The following DNMT1 variants were observed in gnomAD, a reference collection of about 807,000 sequenced individuals.
DNMT1 encodes the protein DNA (cytosine-5)-methyltransferase 1.
In DNMT1, 24 loss-of-function variants were observed where a neutral mutation model predicts 205.3. That is an observed-to-expected ratio of 0.12 (90% CI 0.08 to 0.16). DNMT1 has a LOEUF of 0.16. Ranked by LOEUF, DNMT1 falls within the 10% of genes least tolerant of loss-of-function variation. The probability of loss-of-function intolerance (pLI) is 1.00; values close to 1 mark genes in which losing one functional copy is unlikely to be tolerated. For missense variants in DNMT1, 1,293 were observed against 2,177.7 expected, an observed-to-expected ratio of 0.59 and a Z score of 8.09; for synonymous variants, 817 against 839.8, an observed-to-expected ratio of 0.97 and a Z score of 0.47.
rs1459602995 is a variant in DNMT1 at position 10,168,351 on chromosome 19, A to C, written c.782T>G (p.Leu261Arg). The change falls in exon 10 of 41, where the codon CTC becomes CGC. Residue 261 changes from leucine to arginine, a missense_variant. By Grantham distance (102) the Leu-to-Arg change is moderately radical. Transcript: ENST00000359526. ...TTACGGTTCTTTGGTTTGACTTCGGAGTCTCTTTTCTTCCTAAGTTGCAGG... is the reference window on the plus strand; with the variant it reads ...TTACGGTTCTTTGGTTTGACTTCGGCGTCTCTTTTCTTCCTAAGTTGCAGG... ...EERDEKEEKR[L>R]RSQTKEPTPK... is the part of the protein sequence containing the mutation. The C allele has an allele frequency of 1.2e-6, 2 of 1,614,126 alleles. No individual in the cohort carries two copies. Among genetic ancestry groups the C allele is most frequent in the South Asian group, 2.2e-5 (2 of 91,080 alleles).
chr19:10,151,258 C>T lies in DNMT1; in HGVS notation c.2265+140G>A, dbSNP rs1349306216. On this transcript the variant is annotated intron_variant, in intron 24 of 40. Coordinates refer to ENST00000359526, the MANE Select transcript of DNMT1 (RefSeq NM_001130823.3). This position sits in a 1 kb window ranked among gnomAD's most constrained non-coding sequence, Gnocchi z 5.0. Reference sequence around the variant, plus strand: ...TGGAACATGGTCTCTTGGCCAGTCCCGCTCTTCTCAGGGGCAAACAGACAG... The same window carrying T: ...TGGAACATGGTCTCTTGGCCAGTCCTGCTCTTCTCAGGGGCAAACAGACAG... The T allele has an allele frequency of 2.2e-5, 28 of 1,296,366 alleles. No homozygotes were observed. The highest frequency in any genetic ancestry group is 3.4e-5 in the Admixed American group (2 of 58,672). The allele number at this position is 1,296,366 out of a possible 1,614,324, so 80.3% of individuals were successfully genotyped here. A position where few individuals can be genotyped will look rare whatever the true frequency, so the allele number is the denominator to read the frequency against.
In DNMT1 at chr19:10,135,879, G is replaced by C. The variant is rs554034982; in HGVS notation, c.4657-27C>G. 6.3e-4 allele frequency: 976 copies of C among 1,540,362 alleles called. 8 individuals carry two copies. The South Asian group carries it at 0.011, about 17-fold the overall frequency. On this transcript the variant is annotated intron_variant, in intron 38 of 40. Transcript: ENST00000359526. Reference sequence around the variant, plus strand: ...TGGGGGAAAGAGGCGCGGTGGGCGAGGGCAGTAGCACCCAGGCCGGGTCAC... The same window carrying C: ...TGGGGGAAAGAGGCGCGGTGGGCGACGGCAGTAGCACCCAGGCCGGGTCAC...
intron 1 of DNMT1, among the ~76,000 whole-genome samples, chr19:10,186,446 G>T (rs2039183870): frequency 1.3e-5 from 2 of 152,058 alleles, no homozygotes; most frequent in Admixed American, 6.6e-5. Flanking sequence ...ACGGAGCAGA[G>T]GACTCAGAAT....
In DNMT1 at chr19:10,146,671, C is replaced by T. The variant is rs2038211002; in HGVS notation, c.2721-147G>A. Reference sequence around the variant, plus strand: ...AGAAGGAAGAGGTGGCTTTCTTGTGCTTTGTGTTGACATTTTGAAGGCACT... The same window carrying T: ...AGAAGGAAGAGGTGGCTTTCTTGTGTTTTGTGTTGACATTTTGAAGGCACT... On this transcript the variant is annotated intron_variant, in intron 27 of 40. Transcript: ENST00000359526. The surrounding 1 kb of genome is among the most constrained non-coding windows in gnomAD (Gnocchi z 4.4). 9.5e-7 allele frequency: 1 copy of T among 1,048,930 alleles called. No individual in the cohort carries two copies. The highest frequency in any genetic ancestry group is 1.4e-6 in the Non-Finnish European group (1 of 728,356). The allele number at this position is 1,048,930 out of a possible 1,614,324, so 65.0% of individuals were successfully genotyped here.
rs73508838 is a variant in DNMT1, at chr19:10,138,754, C to T, written c.3949-149G>A. ...AGAAATCCCCAGTTACCTCAGCAGG[C>T]GTGCTCCTGGTCAGAGGAGTTTGGA... On this transcript the variant is annotated intron_variant, in intron 34 of 40. Coordinates refer to ENST00000359526, the MANE Select transcript of DNMT1 (RefSeq NM_001130823.3). This position sits in a 1 kb window ranked among gnomAD's most constrained non-coding sequence, Gnocchi z 4.1. 1,941 of 1,074,982 alleles carry T rather than the reference C, an allele frequency of 1.8e-3. 25 individuals are homozygous for T. Among genetic ancestry groups the T allele is most frequent in the African/African-American group, 0.013 (821 of 63,756 alleles). 66.6% of individuals were successfully genotyped at this position (1,074,982 alleles called of 1,614,324 possible). A position where few individuals can be genotyped will look rare whatever the true frequency, so the allele number is the denominator to read the frequency against.
chr19:10,152,178 A>G (rs2038359107), intron 22 of DNMT1, among the ~76,000 whole-genome samples: 1 of 149,060 alleles, frequency 6.7e-6, no homozygotes, highest in East Asian at 2.0e-4. Flanking sequence ...AAAAAAAAAA[A>G]AAAAAAAAAA....
rs184077661 is a variant in DNMT1, at chr19:10,140,553, A to G, written c.3524-225T>C. On this transcript the variant is annotated intron_variant, in intron 32 of 40. Transcript: ENST00000359526. The surrounding 1 kb of genome is among the most constrained non-coding windows in gnomAD (Gnocchi z 8.4). ...CCCAGCTAATTTTTGTATTCTTATT[A>G]GAGACGGGGTTTCACCATGTTGGCC... 4.6e-4 allele frequency: 419 copies of G among 907,554 alleles called. 4 individuals carry two copies. In the East Asian group the frequency reaches 8.4e-3, roughly 18 times the overall value. The allele number at this position is 907,554 out of a possible 1,614,324, so 56.2% of individuals were successfully genotyped here.
Position 10,137,423 on chromosome 19 carries a change from C to T in DNMT1, c.4294-143G>A, listed in dbSNP as rs1568220223. 1.0e-5 allele frequency: 11 copies of T among 1,096,992 alleles called. No homozygotes were observed. Among genetic ancestry groups the T allele is most frequent in the East Asian group, 2.6e-5 (1 of 38,636 alleles). 68.0% of individuals were successfully genotyped at this position (1,096,992 alleles called of 1,614,324 possible). ...TCGGGAAAGAGACAGTCAGGGATAT[C>T]GCACTTGGCTCGAGGCCACGGCAGG... On this transcript the variant is annotated intron_variant, in intron 36 of 40. Transcript: ENST00000359526. The surrounding 1 kb of genome is among the most constrained non-coding windows in gnomAD (Gnocchi z 6.4).
chr19:10,154,290 T>C lies in DNMT1; in HGVS notation c.2019+3A>G. On this transcript the variant is annotated splice_donor_region_variant and intron_variant, in intron 22 of 40. Transcript: ENST00000359526. This position sits in a 1 kb window ranked among gnomAD's most constrained non-coding sequence, Gnocchi z 6.3. ...GAGCGGGAGCACCCACAGGTGAGGT[T>C]ACCTCACAGACGCCACATCGCCGGC... The C allele has an allele frequency of 6.2e-7, 1 of 1,613,858 alleles. No homozygotes were observed. Among genetic ancestry groups the C allele is most frequent in the Non-Finnish European group, 8.5e-7 (1 of 1,179,746 alleles).
At position 10,159,774 on chromosome 19, in the gene DNMT1, G is replaced by GAC; in HGVS notation, c.1171-9_1171-8dup. 1.2e-6 allele frequency: 2 copies of GAC among 1,614,220 alleles called. No homozygotes were observed. The highest frequency in any genetic ancestry group is 1.7e-6 in the Non-Finnish European group (2 of 1,180,042). Reference sequence around the variant, plus strand: ...GCATCTGTGGCTCATCCACCTGAAGGACACGGGGCTGGTGAGCAGTGGGAC... The same window carrying GAC: ...GCATCTGTGGCTCATCCACCTGAAGGACACACGGGGCTGGTGAGCAGTGGGAC... On this transcript the variant is annotated splice_region_variant and splice_polypyrimidine_tract_variant and intron_variant, in intron 16 of 40. Transcript: ENST00000359526. This position sits in a 1 kb window ranked among gnomAD's most constrained non-coding sequence, Gnocchi z 5.0.
At position 10,140,033 on chromosome 19, in the gene DNMT1, T is replaced by G; in HGVS notation, c.3806+13A>C. 8.7e-6 allele frequency: 14 copies of G among 1,606,230 alleles called. No individual in the cohort carries two copies. Among genetic ancestry groups the G allele is most frequent in the Non-Finnish European group, 1.2e-5 (14 of 1,179,990 alleles). On this transcript the variant is annotated intron_variant, in intron 33 of 40. Coordinates refer to ENST00000359526, the MANE Select transcript of DNMT1 (RefSeq NM_001130823.3). This position sits in a 1 kb window ranked among gnomAD's most constrained non-coding sequence, Gnocchi z 8.4. ...GGCCGTCTGGCAACACTGGGGGGCT[T>G]CTACCCGTTTACCTGAGGAAGGAAA...
chr19:10,181,953 C>T, intron 2 of DNMT1, 88 bp downstream of exon 2: 2 of 1,213,720 alleles, frequency 1.6e-6, no homozygotes, highest in Non-Finnish European at 2.4e-6. Flanking sequence ...AATGCAAAAT[C>T]CATTTAAAGA....
At chr19:10,150,017 C>A in intron 24 of DNMT1, 49 bp from the exon 25 acceptor site, 2 of 1,522,494 alleles carry the variant, frequency 1.3e-6, no homozygotes, top group South Asian at 2.2e-5. Flanking sequence ...AGGGTCTTTG[C>A]TGGCCTTGAC....
chr19:10,169,784 C>A (rs758416308), intron 9 of DNMT1, among the ~76,000 whole-genome samples: 2 of 151,854 alleles, frequency 1.3e-5, no homozygotes, highest in African/African-American at 2.4e-5. Flanking sequence ...ATAAAAAAAA[C>A]GCTTAGCAAA....
At position 10,133,443 on chromosome 19, in the gene DNMT1, G is replaced by A; in HGVS notation, c.*224C>T. ...CATACAGTGGTAGATTTGATATAAT[G>A]CATAATAAAAAACTTTTAAAATCCA... On this transcript the variant is annotated 3_prime_UTR_variant, in exon 41 of 41. Transcript: ENST00000359526. The surrounding 1 kb of genome is among the most constrained non-coding windows in gnomAD (Gnocchi z 4.1). 1 of 592,288 alleles carries A rather than the reference G, an allele frequency of 1.7e-6. No homozygotes were observed. The highest frequency in any genetic ancestry group is 3.0e-5 in the Admixed American group (1 of 33,650). 36.7% of individuals were successfully genotyped at this position (592,288 alleles called of 1,614,324 possible).
At chr19:10,185,847 A>G (rs2039168780) in intron 1 of DNMT1, among the ~76,000 whole-genome samples, 1 of 150,256 alleles carries the variant, frequency 6.7e-6, no homozygotes, top group Admixed American at 6.6e-5. Context: ...TCAAAAGAAA[A>G]AAAAAAAAAA....
At chr19:10,175,503 T>G (rs1206132090) in intron 7 of DNMT1, 37 bp downstream of exon 7, 2 of 1,609,940 alleles carry the variant, frequency 1.2e-6, no homozygotes, top group Admixed American at 3.3e-5. Context: ...ATACACCAAG[T>G]TAAGGTAGAG....
chr19:10,177,204 G>T, intron 6 of DNMT1, 88 bp downstream of exon 6: 1 of 1,203,020 alleles, frequency 8.3e-7, no homozygotes, highest in Non-Finnish European at 1.2e-6. Context: ...CAACACGGAA[G>T]ACAGAATTGC....
At chr19:10,163,228 A>C in intron 12 of DNMT1, 98 bp downstream of exon 12, 2 of 1,384,508 alleles carry the variant, frequency 1.4e-6, no homozygotes, top group Non-Finnish European at 1.0e-6. Flanking sequence ...CAGCCTCCCA[A>C]AGTGCTGGGA....
Sources: allele counts gnomAD v4.1 joint callset (sites outside exome capture counted in the v4.1 genomes callset), GRCh38; gene constraint gnomAD v4.1.1; non-coding constraint Gnocchi (gnomAD v3.1); transcripts MANE v1.5; gene names NCBI Gene and HGNC (gene_info 2026-07-23, HGNC 2026-07-21).